Variants in ACOT11 observed in about 807,000 individuals in gnomAD.
The protein encoded by ACOT11 is acyl-CoA thioesterase 11, also known as acyl-coenzyme A thioesterase 11.
ACOT11 carries 69 observed loss-of-function variants against 77.5 expected under a neutral mutation model. The observed-to-expected ratio is 0.89, with a 90% CI of 0.73 to 1.09. The LOEUF (loss-of-function observed/expected upper bound fraction) is 1.09. ACOT11 is among the 50% of genes least tolerant of loss of function. The probability of loss-of-function intolerance (pLI) is 0.00; values close to 1 mark genes in which losing one functional copy is unlikely to be tolerated. For synonymous variants in ACOT11, 279 were observed against 313.0 expected, an observed-to-expected ratio of 0.89 and a Z score of 1.15; for missense variants, 766 against 813.7, an observed-to-expected ratio of 0.94 and a Z score of 0.71.
chr1:54,608,122 A>G (rs997612923), intron 15 of ACOT11, 54 bp downstream of exon 15: 1 of 1,563,308 alleles, frequency 6.4e-7, no homozygotes, highest in East Asian at 2.3e-5. Context: ...CCAACACCAC[A>G]CGTGTATTGA....
intron 7 of ACOT11, among the ~76,000 whole-genome samples, 190 bp from the exon 8 acceptor site, chr1:54,599,106 A>AT (rs2100996168): frequency 7.9e-6 from 1 of 126,616 alleles, no homozygotes; most frequent in South Asian, 3.0e-4. Context: ...AGATCCTGCC[A>AT]TTGCACTCCA....
At chr1:54,625,219 G>A (rs1178341189) in intron 15 of ACOT11, among the ~76,000 whole-genome samples, 1 of 86,390 alleles carries the variant, frequency 1.2e-5, no homozygotes, top group Non-Finnish European at 2.9e-5. Context: ...GGGAGATCTA[G>A]TCTGTCTGGG....
At chr1:54,633,819 C>G (rs1042554982) in intron 16 of ACOT11, among the ~76,000 whole-genome samples, 2 of 152,228 alleles carry the variant, frequency 1.3e-5, no homozygotes, top group African/African-American at 4.8e-5. Flanking sequence ...CCTAGTCTCA[C>G]TAGCCCTCGG....
At chr1:54,622,451 G>A (rs1007392072) in intron 15 of ACOT11, among the ~76,000 whole-genome samples, 3 of 151,952 alleles carry the variant, frequency 2.0e-5, no homozygotes, top group African/African-American at 7.2e-5. Flanking sequence ...GGTGGCGCAC[G>A]CCTGTAGTCC....
chr1:54,631,321 T>G (rs1644298653), intron 16 of ACOT11, among the ~76,000 whole-genome samples: 1 of 152,194 alleles, frequency 6.6e-6, no homozygotes, highest in Non-Finnish European at 1.5e-5. Flanking sequence ...TACAGCTACA[T>G]TTGAGCCTTT....
Position 54,609,120 on chromosome 1 carries a change from C to A in ACOT11, c.*8C>A. On this transcript the variant is annotated 3_prime_UTR_variant, in exon 16 of 16. Coordinates refer to ENST00000343744, the MANE Select transcript of ACOT11 (RefSeq NM_147161.4). ...AGCCTCCAGACCCTCTAGATGCCCT[C>A]AGTGGCCACATCATGCCCACTCCCA... 1.2e-6 allele frequency: 2 copies of A among 1,614,020 alleles called. No homozygotes were observed. Among genetic ancestry groups the A allele is most frequent in the Non-Finnish European group, 1.7e-6 (2 of 1,179,974 alleles).
In ACOT11 at chr1:54,597,335, T is replaced by C; in HGVS notation, c.684T>C (p.Pro228=). Residue 228 remains proline, a synonymous_variant, in exon 7 of 16, where the codon CCT becomes CCC. Transcript: ENST00000343744. ...TRVESVELVL[P]PHANHQGNTF... is the part of the protein sequence containing the mutation. ...TGGAGAGTGTGGAGCTGGTCCTGCC[T>C]CCCCACGCCAATCACCAGGGCAACA... The C allele has an allele frequency of 6.2e-7, 1 of 1,613,842 alleles. No individual in the cohort carries two copies. Among genetic ancestry groups the C allele is most frequent in the South Asian group, 1.1e-5 (1 of 91,064 alleles).
chr1:54,592,334 C>T (rs1444259134), intron 3 of ACOT11, among the ~76,000 whole-genome samples: 1 of 152,216 alleles, frequency 6.6e-6, no homozygotes. Context: ...CTACTTCTCT[C>T]AGCCTCAGCT....
intron 5 of ACOT11, 28 bp downstream of exon 5, chr1:54,594,067 C>T (rs564247882): frequency 4.8e-5 from 77 of 1,602,158 alleles, no homozygotes; most frequent in East Asian, 8.9e-5. Context: ...GCTGCTGGAA[C>T]GCTGCTCAGT....
rs151326879 is a variant in ACOT11 at position 54,609,618 on chromosome 1, C to A, written c.*506C>A. 8.3e-5 allele frequency: 134 copies of A among 1,613,518 alleles called. 1 individual carries two copies. The highest frequency in any genetic ancestry group is 8.2e-4 in the Middle Eastern group (5 of 6,078). On this transcript the variant is annotated 3_prime_UTR_variant, in exon 16 of 16. Coordinates refer to ENST00000343744, the MANE Select transcript of ACOT11 (RefSeq NM_147161.4). ...GGTGCCACAGTCACGTGGGGGAAGA[C>A]CTCAGCCACAGCTGTAAGCAGCTCT...
intron 1 of ACOT11, among the ~76,000 whole-genome samples, chr1:54,558,135 C>T (rs1653329390): frequency 6.6e-6 from 1 of 152,122 alleles, no homozygotes. Flanking sequence ...ACTTACTGTA[C>T]TGGGGGATTA....
Position 54,616,084 on chromosome 1 carries a change from G to A in ACOT11, c.1629+8016G>A, listed in dbSNP as rs753726688. ...CCAGTGTGTTGTCACTGTAGATAGT[G>A]GGGGGGTGTGCCATGATGGGAACTC... On this transcript the variant is annotated intron_variant, in intron 15 of 16. Transcript: ENST00000371316. The A allele has an allele frequency of 7.4e-6, 12 of 1,613,362 alleles. No homozygotes were observed. The East Asian group carries it at 1.3e-4, about 18-fold the overall frequency.
At chr1:54,630,938 G>A in intron 16 of ACOT11, 2 of 625,442 alleles carry the variant, frequency 3.2e-6, no homozygotes, top group Non-Finnish European at 5.9e-6. Context: ...GGATGGGTAT[G>A]GGGTCTGGTT....
chr1:54,572,570 G>C (rs79556901), intron 1 of ACOT11, among the ~76,000 whole-genome samples: 23 of 148,526 alleles, frequency 1.5e-4, no homozygotes, highest in South Asian at 4.2e-4. Context: ...GCTCCCCTGA[G>C]GGGGGGGGTC....
At chr1:54,623,635 T>C in intron 15 of ACOT11, 1 of 466,784 alleles carries the variant, frequency 2.1e-6, no homozygotes, top group Non-Finnish European at 3.8e-6. Flanking sequence ...AACCAGAATA[T>C]CTACCATATC....
intron 9 of ACOT11, among the ~76,000 whole-genome samples, chr1:54,602,461 T>C (rs1319539202): frequency 6.6e-6 from 1 of 152,000 alleles, no homozygotes; most frequent in Non-Finnish European, 1.5e-5. Context: ...GGGGAGGTGG[T>C]GTTCCCAGGT....
At position 54,609,408 on chromosome 1, in the gene ACOT11, C is replaced by T. The variant is rs767136119; in HGVS notation, c.*296C>T. On this transcript the variant is annotated 3_prime_UTR_variant, in exon 16 of 16. Transcript: ENST00000343744. ...TAGTCGCCCCCAGCTGGGTTGTGCT[C>T]CACTGTGACGGTGGCCCGGGGGGAG... 3.7e-6 allele frequency: 6 copies of T among 1,614,030 alleles called. No homozygotes were observed. Among genetic ancestry groups the T allele is most frequent in the Non-Finnish European group, 5.1e-6 (6 of 1,180,030 alleles).
chr1:54,603,024 C>G (rs1436671377), intron 10 of ACOT11, among the ~76,000 whole-genome samples: 1 of 152,172 alleles, frequency 6.6e-6, no homozygotes. Context: ...GCCATTGATT[C>G]TGATGCCCAT....
intron 1 of ACOT11, among the ~76,000 whole-genome samples, chr1:54,564,285 A>G (rs1162295941): frequency 5.3e-5 from 8 of 152,168 alleles, no homozygotes; most frequent in Non-Finnish European, 8.8e-5. Flanking sequence ...AAAAGAAAGA[A>G]AGCTGTGCAC....
Sources: allele counts gnomAD v4.1 joint callset (sites outside exome capture counted in the v4.1 genomes callset), GRCh38; gene constraint gnomAD v4.1.1; transcripts MANE v1.5; gene names NCBI Gene and HGNC (gene_info 2026-07-23, HGNC 2026-07-21).